The following GABPB1 variants were observed in gnomAD, a reference collection of about 807,000 sequenced individuals.
GABPB1 encodes GA-binding protein subunit beta-1.
A neutral mutation model predicts 45.9 loss-of-function variants in GABPB1; 15 were observed. The observed-to-expected ratio is 0.33, with a 90% CI of 0.22 to 0.50. GABPB1 has a LOEUF of 0.50. Ranked by LOEUF, GABPB1 falls within the 20% of genes least tolerant of loss-of-function variation. The pLI, the probability that GABPB1 is intolerant of heterozygous loss-of-function variation, is 0.98. For missense variants in GABPB1, 252 were observed against 457.5 expected (o/e 0.55, Z 4.10); for synonymous variants, 143 against 154.4 (o/e 0.93, Z 0.55).
intron 1 of GABPB1, chr15:50,327,454 TTCAA>T (rs1274828846): frequency 2.0e-5 from 3 of 152,190 alleles, no homozygotes; most frequent in Non-Finnish European, 4.4e-5. Flanking sequence ...TACAATTGTA[TTCAA>T]TCAAACATTT....
At chr15:50,302,908 A>T (rs776474265) in intron 4 of GABPB1, 21 bp downstream of exon 4, 1 of 1,532,698 alleles carries the variant, frequency 6.5e-7, no homozygotes, top group Non-Finnish European at 8.9e-7. Flanking sequence ...TTATTTTCTT[A>T]AATTAAAAGC....
intron 1 of GABPB1, among the ~76,000 whole-genome samples, chr15:50,336,082 G>A (rs2048113594): frequency 6.6e-6 from 1 of 151,838 alleles, no homozygotes; most frequent in South Asian, 2.1e-4. Context: ...TTGGCATGGT[G>A]GCTCACGCCT....
At chr15:50,327,027 T>C (rs2047793961) in intron 1 of GABPB1, among the ~76,000 whole-genome samples, 1 of 152,104 alleles carries the variant, frequency 6.6e-6, no homozygotes, top group Non-Finnish European at 1.5e-5. Context: ...TGACTATGCC[T>C]TTGCCCAATT....
chr15:50,306,645 A>T (rs1282635960), intron 2 of GABPB1, among the ~76,000 whole-genome samples: 1 of 151,202 alleles, frequency 6.6e-6, no homozygotes, highest in Non-Finnish European at 1.5e-5. Flanking sequence ...AAAAAAAAAA[A>T]TCTTCCCACA....
chr15:50,283,732 G>A (rs74488436), intron 8 of GABPB1, among the ~76,000 whole-genome samples: 22 of 151,900 alleles, frequency 1.4e-4, no homozygotes, highest in Non-Finnish European at 2.4e-4. Flanking sequence ...GGCTGGTCTC[G>A]AACTCCTGAC....
chr15:50,300,099 G>A (rs955020470), intron 6 of GABPB1, among the ~76,000 whole-genome samples: 1 of 152,034 alleles, frequency 6.6e-6, no homozygotes, highest in African/African-American at 2.4e-5. Context: ...GAGCTACCAT[G>A]CCCAGCCAAA....
rs2140955102 is a variant in GABPB1, at chr15:50,277,871, C to T, written c.*761G>A. On this transcript the variant is annotated 3_prime_UTR_variant, in exon 9 of 9. Coordinates refer to ENST00000380877, the MANE Select transcript of GABPB1 (RefSeq NM_016654.5). ...TTGTAGGCTGCTCCTTCCGAGAACACTGTCATTCCAATAAAACCAGCTGCC... is the reference window on the plus strand; with the variant it reads ...TTGTAGGCTGCTCCTTCCGAGAACATTGTCATTCCAATAAAACCAGCTGCC... 6.5e-6 allele frequency: 1 copy of T among 152,684 alleles called. No homozygotes were observed. The highest frequency in any genetic ancestry group is 1.9e-4 in the East Asian group (1 of 5,188). 9.5% of individuals were successfully genotyped at this position (152,684 alleles called of 1,614,324 possible). A position where few individuals can be genotyped will look rare whatever the true frequency, so the allele number is the denominator to read the frequency against.
intron 1 of GABPB1, among the ~76,000 whole-genome samples, chr15:50,333,685 A>T (rs189235810): frequency 3.1e-4 from 47 of 152,300 alleles, no homozygotes; most frequent in African/African-American, 1.1e-3. Flanking sequence ...GGTAGTTTTC[A>T]TTCCATATAG....
At chr15:50,334,839 T>G (rs565729168) in intron 1 of GABPB1, among the ~76,000 whole-genome samples, 1 of 152,334 alleles carries the variant, frequency 6.6e-6, no homozygotes, top group East Asian at 1.9e-4. Flanking sequence ...TTGTCACTTA[T>G]TTCTGTAAAC....
intron 1 of GABPB1, among the ~76,000 whole-genome samples, chr15:50,317,143 C>G (rs938498091): frequency 6.6e-6 from 1 of 152,022 alleles, no homozygotes; most frequent in Non-Finnish European, 1.5e-5. Context: ...TGCCTGTAAT[C>G]CCAGCACTTT....
chr15:50,321,317 G>A (rs1184090471), intron 1 of GABPB1, among the ~76,000 whole-genome samples: 1 of 151,992 alleles, frequency 6.6e-6, no homozygotes, highest in African/African-American at 2.4e-5. Flanking sequence ...TTCTCCATAA[G>A]GTCTCCACTC....
intron 6 of GABPB1, among the ~76,000 whole-genome samples, chr15:50,298,381 C>T (rs1009901412): frequency 9.9e-5 from 15 of 152,156 alleles, no homozygotes; most frequent in African/African-American, 3.1e-4. Flanking sequence ...CCACCACACC[C>T]GGCCAGAGGT....
At chr15:50,343,882 A>G (rs1382654388) in intron 1 of GABPB1, among the ~76,000 whole-genome samples, 1 of 152,216 alleles carries the variant, frequency 6.6e-6, no homozygotes, top group African/African-American at 2.4e-5. Context: ...ATATATAATT[A>G]CCATGTAAGA....
intron 1 of GABPB1, among the ~76,000 whole-genome samples, chr15:50,336,216 G>A (rs1157459015): frequency 6.6e-6 from 1 of 152,092 alleles, no homozygotes; most frequent in East Asian, 1.9e-4. Flanking sequence ...AGCCAGGCAT[G>A]GGGGCAAGTG....
At position 50,289,624 on chromosome 15, in the gene GABPB1, C is replaced by T. The variant is rs762391326; in HGVS notation, c.742G>A (p.Ala248Thr). ...CCTGAACTAACTACTTGCTGAATGG[C>T]ACCATCCACAGATTCTGCAGTAACT... ...EVVTAESVDG[A>T]IQQVVSSGGQ... The change falls in exon 7 of 9, where the codon GCC becomes ACC. Residue 248 changes from alanine (A) to threonine (T), a missense_variant. By Grantham distance (58) the Ala-to-Thr change is moderately conservative. This residue lies in a region of GABPB1 where 193 missense variants were observed against 259.9 expected (regional missense o/e 0.74). Transcript: ENST00000380877. 2.5e-6 allele frequency: 4 copies of T among 1,612,684 alleles called. No homozygotes were observed. The Admixed American group carries it at 5.0e-5, about 20-fold the overall frequency.
chr15:50,302,643 CAAAAAAA>C lies in GABPB1; in HGVS notation c.471+279_471+285del, dbSNP rs60408137. Among the ~76,000 whole-genome samples the C allele has an allele frequency of 6.4e-5, 4 of 62,188 alleles. No homozygotes were observed. In the South Asian group the frequency reaches 1.8e-3, roughly 29 times the overall value. 40.8% of individuals were successfully genotyped at this position (62,188 alleles called of 152,430 possible). On this transcript the variant is annotated intron_variant, in intron 4 of 8. Transcript: ENST00000380877. Reference sequence around the variant, plus strand: ...TGGGGGACAGATCAAGACTCTGGCTCAAAAAAAAAAAAAAAAAAAAAAAAAAGGTCTA... The same window carrying C: ...TGGGGGACAGATCAAGACTCTGGCTCAAAAAAAAAAAAAAAAAAAGGTCTA...
intron 1 of GABPB1, among the ~76,000 whole-genome samples, chr15:50,313,839 C>T (rs1248183500): frequency 6.6e-6 from 1 of 152,006 alleles, no homozygotes; most frequent in African/African-American, 2.4e-5. Flanking sequence ...TACTATATTA[C>T]CTAATTTAAA....
chr15:50,307,701 C>A (rs368546044), intron 2 of GABPB1, among the ~76,000 whole-genome samples: 120 of 131,636 alleles, frequency 9.1e-4, no homozygotes, highest in South Asian at 1.5e-3. Flanking sequence ...GACTCCATCT[C>A]AAAAAAAAAA....
chr15:50,300,884 G>T lies in GABPB1; in HGVS notation c.602C>A (p.Ala201Asp). The T allele has an allele frequency of 1.2e-6, 2 of 1,604,110 alleles. No homozygotes were observed. The highest frequency in any genetic ancestry group is 1.7e-6 in the Non-Finnish European group (2 of 1,171,266). The change falls in exon 6 of 9, where the codon GCT becomes GAT. Residue 201 changes from alanine (A) to aspartate (D), a missense_variant. Ala to Asp is a moderately radical substitution (Grantham distance 126, BLOSUM62 -2). This residue lies in a region of GABPB1 where 193 missense variants were observed against 259.9 expected (regional missense o/e 0.74). Transcript: ENST00000380877. ...TGTAGAAGAGTTTCCAAACTGAACA[G>T]CAGATACACCCGTTTCATCTGTAAG... ...VNLTDETGVSAVQFGNSSTSV... is the reference protein window; with the variant it reads ...VNLTDETGVSDVQFGNSSTSV...
Sources: gnomAD v4.1 joint callset for allele counts (sites outside exome capture counted in the v4.1 genomes callset) on GRCh38, gnomAD v4.1.1 for gene constraint, gnomAD v4.1.1 regional missense constraint, MANE v1.5 for transcripts, NCBI Gene and HGNC (gene_info 2026-07-23, HGNC 2026-07-21) for gene names.